CTNNA2: variants seen among roughly 807,000 people sequenced by gnomAD.
The protein encoded by CTNNA2 is catenin alpha-2.
CTNNA2 carries 42 observed loss-of-function variants against 101.0 expected under a neutral mutation model. The ratio of observed to expected loss-of-function variants is 0.42; its 90% CI spans 0.32 to 0.54. The LOEUF is 0.54. CTNNA2 is among the 20% of genes least tolerant of loss of function. The probability of loss-of-function intolerance (pLI) is 0.14; values close to 1 mark genes in which losing one functional copy is unlikely to be tolerated. For missense variants in CTNNA2, 871 were observed against 1,223.1 expected (o/e 0.71, Z 4.29); for synonymous variants, 450 against 456.4 (o/e 0.99, Z 0.18).
intron 9 of CTNNA2, among the ~76,000 whole-genome samples, chr2:80,422,029 C>G (rs1184868262): frequency 6.6e-6 from 1 of 152,004 alleles, no homozygotes; most frequent in Non-Finnish European, 1.5e-5. Flanking sequence ...TAGTCATGTG[C>G]CTGCAAATTA....
chr2:79,702,844 C>A (rs957071443), intron 2 of CTNNA2, among the ~76,000 whole-genome samples: 1 of 152,114 alleles, frequency 6.6e-6, no homozygotes, highest in Non-Finnish European at 1.5e-5. Context: ...TAGACTGTCA[C>A]CTTATGTTAC....
intron 3 of CTNNA2, among the ~76,000 whole-genome samples, chr2:79,314,488 G>T (rs1489518972): frequency 6.6e-6 from 1 of 152,308 alleles, no homozygotes; most frequent in Non-Finnish European, 1.5e-5. Flanking sequence ...CTCTGGGGTG[G>T]AGGGTGGGGT....
At chr2:80,383,509 T>A (rs1046420201) in intron 7 of CTNNA2, among the ~76,000 whole-genome samples, 2 of 152,210 alleles carry the variant, frequency 1.3e-5, no homozygotes, top group Admixed American at 6.5e-5. Flanking sequence ...GGTAGCATAC[T>A]GTAAATATAT....
At chr2:79,310,869 A>G (rs1676351676) in intron 2 of CTNNA2, among the ~76,000 whole-genome samples, 1 of 152,034 alleles carries the variant, frequency 6.6e-6, no homozygotes, top group East Asian at 1.9e-4. Context: ...ATTGTTCTTC[A>G]TTTTCTCTGG....
intron 4 of CTNNA2, among the ~76,000 whole-genome samples, chr2:79,409,702 G>A (rs1401513230): frequency 4.7e-5 from 7 of 149,912 alleles, no homozygotes; most frequent in African/African-American, 1.7e-4. Context: ...GGTTACTGTA[G>A]CCTTGTAGTA....
Position 79,709,515 on chromosome 2 carries a change from A to G in CTNNA2, c.103-34872A>G, listed in dbSNP as rs573677939. ...TACTGTAGGGATGAGGGGTGATATG[A>G]TAAAGTACTTGGCAATCCAAAACAA... On this transcript the variant is annotated intron_variant, in intron 2 of 18. Transcript: ENST00000402739. Among the ~76,000 whole-genome samples, 8 of 152,228 alleles carry G rather than the reference A, an allele frequency of 5.3e-5. No individual in the cohort carries two copies. The East Asian group carries it at 1.2e-3, about 22-fold the overall frequency.
intron 8 of CTNNA2, among the ~76,000 whole-genome samples, chr2:80,394,296 C>T (rs1677798826): frequency 1.3e-5 from 2 of 152,300 alleles, no homozygotes; most frequent in East Asian, 3.9e-4. Context: ...ATGAGAGGAA[C>T]CCACCACTTC....
intron 7 of CTNNA2, among the ~76,000 whole-genome samples, chr2:80,111,775 G>T (rs1014614566): frequency 6.6e-6 from 1 of 152,110 alleles, no homozygotes; most frequent in Non-Finnish European, 1.5e-5. Context: ...CAACCTTCCT[G>T]TCACAGCCTC....
rs1436746207 is a variant in CTNNA2, at chr2:79,616,149, G to T, written c.-5-35403G>T. On this transcript the variant is annotated intron_variant, in intron 1 of 18. Transcript: ENST00000402739. ...TTGCAGAACAAGTTGGGTGGTATCTGCTCTATGCATGATTAAAAGCATGAG... is the reference window on the plus strand; with the variant it reads ...TTGCAGAACAAGTTGGGTGGTATCTTCTCTATGCATGATTAAAAGCATGAG... Among the ~76,000 whole-genome samples the T allele has an allele frequency of 2.6e-5, 4 of 152,176 alleles. No individual in the cohort carries two copies. In the East Asian group the frequency reaches 7.7e-4, roughly 29 times the overall value.
chr2:79,811,556 T>G (rs971143535), intron 3 of CTNNA2, among the ~76,000 whole-genome samples: 7 of 152,204 alleles, frequency 4.6e-5, no homozygotes, highest in African/African-American at 1.7e-4. Flanking sequence ...GGATCTATTT[T>G]TAGAATGTGT....
intron 9 of CTNNA2, among the ~76,000 whole-genome samples, chr2:80,481,482 G>T (rs1686136804): frequency 6.6e-6 from 1 of 152,090 alleles, no homozygotes; most frequent in African/African-American, 2.4e-5. Flanking sequence ...GGTATTATTA[G>T]TATGAATAAT....
chr2:80,441,705 G>A (rs1445885180), intron 9 of CTNNA2, among the ~76,000 whole-genome samples: 1 of 152,190 alleles, frequency 6.6e-6, no homozygotes, highest in East Asian at 1.9e-4. Flanking sequence ...TGTTAGGCAA[G>A]CAATGTGTTT....
At chr2:79,930,026 T>G (rs1231450741) in intron 7 of CTNNA2, among the ~76,000 whole-genome samples, 1 of 152,002 alleles carries the variant, frequency 6.6e-6, no homozygotes, top group East Asian at 1.9e-4. Flanking sequence ...CACCTGAGGT[T>G]GGAAGTTTGA....
chr2:80,189,928 G>A (rs1253896599), intron 7 of CTNNA2, among the ~76,000 whole-genome samples: 3 of 152,064 alleles, frequency 2.0e-5, no homozygotes. Context: ...ATCAGAAGAT[G>A]TTAAAATGGG....
At chr2:80,038,469 C>G (rs1207049697) in intron 7 of CTNNA2, among the ~76,000 whole-genome samples, 4 of 152,088 alleles carry the variant, frequency 2.6e-5, no homozygotes, top group African/African-American at 9.7e-5. Flanking sequence ...GCCTGTAATC[C>G]CAGCACTTTG....
chr2:80,471,673 G>A (rs951880163), intron 9 of CTNNA2, among the ~76,000 whole-genome samples: 8 of 152,216 alleles, frequency 5.3e-5, no homozygotes, highest in African/African-American at 1.9e-4. Flanking sequence ...AGTTGTTGCA[G>A]TCCTAGACTA....
chr2:80,224,808 C>T (rs889489994), intron 7 of CTNNA2, among the ~76,000 whole-genome samples: 2 of 152,032 alleles, frequency 1.3e-5, no homozygotes, highest in African/African-American at 2.4e-5. Context: ...AGGCCCTCTT[C>T]AGTCAATTGA....
intron 7 of CTNNA2, among the ~76,000 whole-genome samples, chr2:80,193,097 T>C (rs1358201905): frequency 2.0e-5 from 3 of 152,230 alleles, no homozygotes; most frequent in African/African-American, 7.2e-5. Flanking sequence ...TGCTTTCATA[T>C]TCATAAAATG....
chr2:79,653,793 A>C (rs943936446), intron 2 of CTNNA2, among the ~76,000 whole-genome samples: 2 of 152,064 alleles, frequency 1.3e-5, no homozygotes, highest in African/African-American at 4.8e-5. Flanking sequence ...AAACCAGGCC[A>C]CTCTTTCAAC....
Sources: allele counts gnomAD v4.1 joint callset (sites outside exome capture counted in the v4.1 genomes callset), GRCh38; gene constraint gnomAD v4.1.1; transcripts MANE v1.5; gene names NCBI Gene and HGNC (gene_info 2026-07-23, HGNC 2026-07-21).